EBF1: variants seen among roughly 807,000 people sequenced by gnomAD.
The protein encoded by EBF1 is EBF transcription factor 1, also known as transcription factor COE1.
EBF1 carries 10 observed loss-of-function variants against 68.4 expected under a neutral mutation model. The observed-to-expected ratio is 0.15, with a 90% CI of 0.09 to 0.25. The LOEUF is 0.25. Ranked by LOEUF, EBF1 falls within the 10% of genes least tolerant of loss-of-function variation. EBF1 has a pLI of 1.00. For synonymous variants in EBF1, 298 were observed against 299.8 expected (o/e 0.99, Z 0.06); for missense variants, 509 against 794.4 (o/e 0.64, Z 4.32).
intron 11 of EBF1, among the ~76,000 whole-genome samples, chr5:158,727,109 C>T (rs543434796): frequency 6.6e-6 from 1 of 152,338 alleles, no homozygotes; most frequent in East Asian, 1.9e-4. Flanking sequence ...GTTTCCAAAA[C>T]GCACATCCTT....
chr5:159,076,511 C>T (rs751430808), intron 5 of EBF1, among the ~76,000 whole-genome samples: 2 of 151,494 alleles, frequency 1.3e-5, no homozygotes, highest in Non-Finnish European at 2.9e-5. Context: ...CTAAGGGACC[C>T]AGGGAAATAG....
chr5:158,734,251 A>C (rs916813158), intron 10 of EBF1, among the ~76,000 whole-genome samples: 1 of 152,132 alleles, frequency 6.6e-6, no homozygotes, highest in Admixed American at 6.5e-5. Context: ...GAATTTTCTA[A>C]ATTTTCCACA....
At chr5:158,935,612 A>G (rs1811846451) in intron 6 of EBF1, among the ~76,000 whole-genome samples, 1 of 152,252 alleles carries the variant, frequency 6.6e-6, no homozygotes, top group Admixed American at 6.5e-5. Context: ...AGGATAGCAC[A>G]TAGAAAAAGA....
intron 6 of EBF1, among the ~76,000 whole-genome samples, chr5:158,955,407 C>T (rs923988063): frequency 7.9e-5 from 12 of 152,096 alleles, no homozygotes; most frequent in South Asian, 2.1e-4. Context: ...AAACAGCAGA[C>T]GCAGGATTCA....
At chr5:159,077,405 G>A (rs1167387104) in intron 5 of EBF1, among the ~76,000 whole-genome samples, 5 of 152,124 alleles carry the variant, frequency 3.3e-5, no homozygotes, top group Admixed American at 3.3e-4. Flanking sequence ...TGCCATTCCA[G>A]CCTGGGTGAC....
intron 6 of EBF1, among the ~76,000 whole-genome samples, chr5:159,007,106 T>G (rs1445191345): frequency 6.6e-6 from 1 of 152,200 alleles, no homozygotes; most frequent in Non-Finnish European, 1.5e-5. Context: ...AAATTATCAT[T>G]GTCAATACAG....
chr5:159,093,838 G>A (rs1174355344), intron 4 of EBF1, among the ~76,000 whole-genome samples: 2 of 151,874 alleles, frequency 1.3e-5, no homozygotes, highest in Non-Finnish European at 2.9e-5. Context: ...TCATTTCATA[G>A]TGCTACCTAT....
rs371040982 is a variant in EBF1 at position 158,863,155 on chromosome 5, C to T, written c.555-23045G>A. On this transcript the variant is annotated intron_variant, in intron 6 of 15. Coordinates refer to ENST00000313708, the MANE Select transcript of EBF1 (RefSeq NM_024007.5). ...TCATGCTTATGGTTTGGAACTCTAA[C>T]TCATTTGATGTTTCCTAAACTCTCT... Among the ~76,000 whole-genome samples the T allele has an allele frequency of 2.6e-5, 4 of 152,290 alleles. No homozygotes were observed. In the East Asian group the frequency reaches 7.7e-4, roughly 29 times the overall value.
intron 6 of EBF1, among the ~76,000 whole-genome samples, chr5:158,931,950 G>A (rs146226502): frequency 1.3e-5 from 2 of 151,824 alleles, no homozygotes; most frequent in African/African-American, 4.8e-5. Context: ...TTTTTTGTTT[G>A]CCACCTTACC....
intron 6 of EBF1, among the ~76,000 whole-genome samples, chr5:158,995,509 G>C (rs1418091605): frequency 1.3e-5 from 2 of 152,120 alleles, no homozygotes; most frequent in Non-Finnish European, 2.9e-5. Flanking sequence ...AGTCTAAAAA[G>C]CTAAATAATC....
chr5:158,797,481 C>T (rs1779794394), intron 8 of EBF1, among the ~76,000 whole-genome samples: 1 of 152,132 alleles, frequency 6.6e-6, no homozygotes, highest in South Asian at 2.1e-4. Flanking sequence ...AAATGGGACC[C>T]TCATCTTTAA....
chr5:158,798,609 C>T (rs548626066), intron 8 of EBF1, among the ~76,000 whole-genome samples: 4 of 152,050 alleles, frequency 2.6e-5, no homozygotes, highest in African/African-American at 7.2e-5. Context: ...ACTTGTTATA[C>T]GTAGGATACA....
intron 6 of EBF1, among the ~76,000 whole-genome samples, chr5:158,918,007 A>G (rs975320386): frequency 6.6e-6 from 1 of 152,188 alleles, no homozygotes; most frequent in African/African-American, 2.4e-5. Context: ...CACTGAGGCC[A>G]TTGAAGACAG....
intron 6 of EBF1, among the ~76,000 whole-genome samples, chr5:159,058,841 C>T (rs1584327611): frequency 6.6e-6 from 1 of 152,310 alleles, no homozygotes; most frequent in East Asian, 1.9e-4. Context: ...CCAACAGATT[C>T]CATAAGGCCA....
intron 6 of EBF1, among the ~76,000 whole-genome samples, chr5:158,976,108 G>T (rs1391691150): frequency 6.6e-6 from 1 of 152,148 alleles, no homozygotes; most frequent in Non-Finnish European, 1.5e-5. Flanking sequence ...GAATGAAATT[G>T]GTCCTTTTTA....
At chr5:158,767,422 G>A (rs1255465187) in intron 10 of EBF1, among the ~76,000 whole-genome samples, 1 of 152,126 alleles carries the variant, frequency 6.6e-6, no homozygotes, top group African/African-American at 2.4e-5. Context: ...AGGGAATCAG[G>A]TAATTCCATA....
At chr5:158,726,891 A>T (rs772325587) in intron 11 of EBF1, among the ~76,000 whole-genome samples, 3 of 152,130 alleles carry the variant, frequency 2.0e-5, no homozygotes, top group Non-Finnish European at 2.9e-5. Context: ...ATCTCTGGGG[A>T]CTCTAACTTC....
chr5:158,713,753 C>A (rs1446423751), intron 12 of EBF1, among the ~76,000 whole-genome samples: 2 of 152,108 alleles, frequency 1.3e-5, no homozygotes, highest in Non-Finnish European at 2.9e-5. Context: ...ACTATTCAGG[C>A]CTTGCTATAC....
At chr5:158,711,997 C>T (rs1335668552) in intron 14 of EBF1, among the ~76,000 whole-genome samples, 157 bp downstream of exon 14, 1 of 152,168 alleles carries the variant, frequency 6.6e-6, no homozygotes, top group Non-Finnish European at 1.5e-5. Context: ...CTGCTGGAGA[C>T]GATGGTGCCT....
Sources: allele counts gnomAD v4.1 joint callset (sites outside exome capture counted in the v4.1 genomes callset), GRCh38; gene constraint gnomAD v4.1.1; transcripts MANE v1.5; gene names NCBI Gene and HGNC (gene_info 2026-07-23, HGNC 2026-07-21).